ATRNL1: variants seen among roughly 807,000 people sequenced by gnomAD.
ATRNL1 encodes the protein attractin-like protein 1.
A neutral mutation model predicts 182.7 loss-of-function variants in ATRNL1; 95 were observed. That is an observed-to-expected ratio of 0.52 (90% CI 0.44 to 0.62). The LOEUF (loss-of-function observed/expected upper bound fraction) is 0.62. Among genes scored for constraint, ATRNL1 ranks in the 20% least tolerant of loss-of-function variants. The pLI, the probability that ATRNL1 is intolerant of heterozygous loss-of-function variation, is 0.00. For missense variants in ATRNL1, 1,471 were observed against 1,679.5 expected, an observed-to-expected ratio of 0.88 and a Z score of 2.17; for synonymous variants, 576 against 568.3, an observed-to-expected ratio of 1.01 and a Z score of -0.19.
In ATRNL1 at chr10:115,146,732, G is replaced by C. The variant is rs533410207; in HGVS notation, c.830-13308G>C. On this transcript the variant is annotated intron_variant, in intron 5 of 28. Coordinates refer to ENST00000355044, the MANE Select transcript of ATRNL1 (RefSeq NM_207303.4). ...AACTTAGGATATTTGTCTTTTTGTG[G>C]CTAGCTTATTTCATTTAACATAATG... is the stretch of plus-strand genomic sequence containing the variant. Among the ~76,000 whole-genome samples, 69 of 151,522 alleles carry C rather than the reference G, an allele frequency of 4.6e-4. 4 individuals carry two copies. The South Asian group carries it at 0.014, about 31-fold the overall frequency.
intron 28 of ATRNL1, among the ~76,000 whole-genome samples, chr10:115,890,949 T>C (rs1304656179): frequency 6.6e-6 from 1 of 152,186 alleles, no homozygotes; most frequent in Non-Finnish European, 1.5e-5. Flanking sequence ...TGGTACCTTT[T>C]ACTGCAGATG....
At chr10:115,607,203 T>G (rs1856917937) in intron 26 of ATRNL1, among the ~76,000 whole-genome samples, 1 of 151,952 alleles carries the variant, frequency 6.6e-6, no homozygotes. Context: ...TGTGTCATAT[T>G]TTTACATTTA....
Position 115,815,323 on chromosome 10 carries a change from A to C in ATRNL1, c.3904-32554A>C, listed in dbSNP as rs527328083. Among the ~76,000 whole-genome samples the C allele has an allele frequency of 1.6e-3, 243 of 151,904 alleles. 10 individuals carry two copies. In the South Asian group the frequency reaches 0.049, roughly 30 times the overall value. ...AATAGACCTATTCTGTTCATGTGTT[A>C]ATATTTGAATTATTTAAAGTACCTA... On this transcript the variant is annotated intron_variant, in intron 27 of 28. Coordinates refer to ENST00000355044, the MANE Select transcript of ATRNL1 (RefSeq NM_207303.4).
chr10:115,307,216 T>C (rs1853778506), intron 17 of ATRNL1, among the ~76,000 whole-genome samples: 1 of 152,208 alleles, frequency 6.6e-6, no homozygotes, highest in African/African-American at 2.4e-5. Flanking sequence ...GTGCTGATAA[T>C]GTCCAATACT....
At chr10:115,924,043 A>G (rs577883392) in intron 28 of ATRNL1, among the ~76,000 whole-genome samples, 1 of 152,242 alleles carries the variant, frequency 6.6e-6, no homozygotes, top group East Asian at 1.9e-4. Flanking sequence ...TGGCTGTGCA[A>G]ATGTCTTCTT....
chr10:115,172,662 T>A (rs1847338497), intron 8 of ATRNL1, among the ~76,000 whole-genome samples: 1 of 151,936 alleles, frequency 6.6e-6, no homozygotes, highest in African/African-American at 2.4e-5. Flanking sequence ...ATGCCCACAC[T>A]CTGACAATTC....
chr10:115,827,221 T>C (rs1268194644), intron 27 of ATRNL1, among the ~76,000 whole-genome samples: 1 of 152,188 alleles, frequency 6.6e-6, no homozygotes, highest in East Asian at 1.9e-4. Flanking sequence ...GCATTGACTT[T>C]AACTCATTGC....
intron 14 of ATRNL1, among the ~76,000 whole-genome samples, chr10:115,285,896 A>G (rs1852588335): frequency 6.6e-6 from 1 of 152,044 alleles, no homozygotes; most frequent in Non-Finnish European, 1.5e-5. Context: ...ACCTTGGGAC[A>G]TAAATATAGT....
intron 9 of ATRNL1, among the ~76,000 whole-genome samples, chr10:115,220,932 T>C (rs904871980): frequency 6.6e-6 from 1 of 152,134 alleles, no homozygotes. Context: ...GCAATTGATT[T>C]ATTGTGGTCC....
At chr10:115,666,511 G>A (rs1195424826) in intron 26 of ATRNL1, among the ~76,000 whole-genome samples, 2 of 152,028 alleles carry the variant, frequency 1.3e-5, no homozygotes, top group African/African-American at 2.4e-5. Context: ...CTTATTATTT[G>A]GAACTACCTT....
chr10:115,451,869 A>G (rs1554967711), intron 21 of ATRNL1, among the ~76,000 whole-genome samples: 2 of 152,216 alleles, frequency 1.3e-5, no homozygotes, highest in South Asian at 2.1e-4. Flanking sequence ...CCAAATGCCC[A>G]TCAGTGACAG....
chr10:115,519,131 A>G lies in ATRNL1; in HGVS notation c.3655-132A>G, dbSNP rs959603247. 20 of 736,000 alleles carry G rather than the reference A, an allele frequency of 2.7e-5. No homozygotes were observed. The African/African-American group carries it at 2.8e-4, about 10-fold the overall frequency. The allele number at this position is 736,000 out of a possible 1,614,324, so 45.6% of individuals were successfully genotyped here. A position where few individuals can be genotyped will look rare whatever the true frequency, so the allele number is the denominator to read the frequency against. On this transcript the variant is annotated intron_variant, in intron 24 of 28. Transcript: ENST00000355044. ...CTAGATGAAATTTTCATTCCATCAC[A>G]TATTTGATTTATAATATCATGATCC...
chr10:115,216,833 A>T (rs1038108252), intron 9 of ATRNL1, among the ~76,000 whole-genome samples: 6 of 151,918 alleles, frequency 3.9e-5, no homozygotes, highest in African/African-American at 9.7e-5. Context: ...TCTACTTTTT[A>T]AAAAAATATA....
chr10:115,478,720 T>A (rs987154514), intron 24 of ATRNL1, among the ~76,000 whole-genome samples: 18 of 151,652 alleles, frequency 1.2e-4, no homozygotes, highest in African/African-American at 4.1e-4. Flanking sequence ...AATGTGTATA[T>A]GTTTATCTTT....
At chr10:115,786,163 G>A (rs1291030897) in intron 27 of ATRNL1, among the ~76,000 whole-genome samples, 1 of 151,876 alleles carries the variant, frequency 6.6e-6, no homozygotes, top group African/African-American at 2.4e-5. Flanking sequence ...AGTCATCAAG[G>A]CTTTTCCTAT....
chr10:115,739,988 C>A (rs1049291411), intron 27 of ATRNL1, among the ~76,000 whole-genome samples: 1 of 152,058 alleles, frequency 6.6e-6, no homozygotes, highest in East Asian at 1.9e-4. Flanking sequence ...GAATAGCTGA[C>A]TGTAAGAATC....
intron 24 of ATRNL1, among the ~76,000 whole-genome samples, chr10:115,501,861 TCC>T (rs1363376308): frequency 2.6e-5 from 4 of 152,126 alleles, no homozygotes; most frequent in Admixed American, 2.6e-4. Context: ...ATATCAGCTC[TCC>T]CTGTGTCCTG....
At chr10:115,433,301 C>G (rs571691002) in intron 21 of ATRNL1, among the ~76,000 whole-genome samples, 2 of 152,098 alleles carry the variant, frequency 1.3e-5, no homozygotes. Context: ...TGAATTGACC[C>G]TTATATTTAA....
At chr10:115,104,717 T>C (rs1428868744) in intron 1 of ATRNL1, among the ~76,000 whole-genome samples, 3 of 152,170 alleles carry the variant, frequency 2.0e-5, no homozygotes, top group African/African-American at 7.2e-5. Context: ...CATTTGATTG[T>C]TGTATATGGT....
Sources: gnomAD v4.1 joint callset for allele counts (sites outside exome capture counted in the v4.1 genomes callset) on GRCh38, gnomAD v4.1.1 for gene constraint, MANE v1.5 for transcripts, NCBI Gene and HGNC (gene_info 2026-07-23, HGNC 2026-07-21) for gene names.